Variants in DNAJC6 observed in about 807,000 individuals in gnomAD.
DNAJC6 encodes auxilin.
DNAJC6 carries 34 observed loss-of-function variants against 110.0 expected under a neutral mutation model. The ratio of observed to expected loss-of-function variants is 0.31; its 90% CI spans 0.24 to 0.41. The LOEUF (loss-of-function observed/expected upper bound fraction) is 0.41, where lower values mean the gene tolerates loss of function less well. Ranked by LOEUF, DNAJC6 falls within the 10% of genes least tolerant of loss-of-function variation. The pLI is 1.00. For synonymous variants in DNAJC6, 406 were observed against 437.2 expected (o/e 0.93, Z 0.89); for missense variants, 1,031 against 1,207.8 (o/e 0.85, Z 2.17).
At chr1:65,290,643 T>C (rs1299623490) in intron 1 of DNAJC6, among the ~76,000 whole-genome samples, 1 of 152,228 alleles carries the variant, frequency 6.6e-6, no homozygotes, top group African/African-American at 2.4e-5. Context: ...GTTGTTTATT[T>C]TTAAATTATT....
chr1:65,414,368 G>A lies in DNAJC6; in HGVS notation c.*1343G>A, dbSNP rs1450038029. On this transcript the variant is annotated 3_prime_UTR_variant, in exon 19 of 19. Coordinates refer to ENST00000371069, the MANE Select transcript of DNAJC6 (RefSeq NM_001256864.2). ...TCTCTTTTGTGTGCACATATACAAT[G>A]TGCATTATACATATATATTAAATAT... 1 of 152,606 alleles carries A rather than the reference G, an allele frequency of 6.6e-6. No individual in the cohort carries two copies. The highest frequency in any genetic ancestry group is 1.9e-4 in the East Asian group (1 of 5,202). The allele number at this position is 152,606 out of a possible 1,614,324, so 9.5% of individuals were successfully genotyped here. A position where few individuals can be genotyped will look rare whatever the true frequency, so the allele number is the denominator to read the frequency against.
At chr1:65,402,880 A>T (rs1253871250) in intron 15 of DNAJC6, among the ~76,000 whole-genome samples, 2 of 152,208 alleles carry the variant, frequency 1.3e-5, no homozygotes, top group Non-Finnish European at 2.9e-5. Flanking sequence ...TGAAAATTTC[A>T]AATTTTAAAG....
chr1:65,310,294 A>G (rs1346482820), intron 1 of DNAJC6, among the ~76,000 whole-genome samples: 3 of 152,026 alleles, frequency 2.0e-5, no homozygotes. Flanking sequence ...GGGCTGGGAG[A>G]GGCAGCTGCT....
At chr1:65,372,507 G>T (rs1222520517) in intron 4 of DNAJC6, among the ~76,000 whole-genome samples, 1 of 152,078 alleles carries the variant, frequency 6.6e-6, no homozygotes, top group African/African-American at 2.4e-5. Context: ...GTCTACAAGG[G>T]GAGACAGGTA....
chr1:65,383,440 G>A (rs1451727577), intron 5 of DNAJC6, among the ~76,000 whole-genome samples: 5 of 152,298 alleles, frequency 3.3e-5, no homozygotes, highest in Admixed American at 2.6e-4. Context: ...TTACAGACAT[G>A]AGCCACTGTG....
intron 1 of DNAJC6, chr1:65,345,613 G>A (rs1164385853): frequency 1.0e-6 from 1 of 977,890 alleles, no homozygotes; most frequent in Non-Finnish European, 1.2e-6. Flanking sequence ...TTCTCCAGGA[G>A]TGGTTATTAT....
intron 11 of DNAJC6, 53 bp downstream of exon 11, chr1:65,389,680 C>T (rs956148381): frequency 6.3e-7 from 1 of 1,588,764 alleles, no homozygotes; most frequent in Non-Finnish European, 8.6e-7. Context: ...TGTATTTCTT[C>T]TGTAAAGATG....
chr1:65,335,668 A>G (rs531596951), intron 1 of DNAJC6, among the ~76,000 whole-genome samples: 1 of 152,262 alleles, frequency 6.6e-6, no homozygotes, highest in Admixed American at 6.5e-5. Context: ...TGTTGAATAG[A>G]CGAGTAGTGT....
intron 2 of DNAJC6, 96 bp from the exon 3 acceptor site, chr1:65,365,789 G>T: frequency 7.4e-7 from 1 of 1,342,494 alleles, no homozygotes; most frequent in Non-Finnish European, 1.0e-6. Flanking sequence ...CCCCTGGACA[G>T]CGGTGTCCCA....
rs796797174 is a variant in DNAJC6, at chr1:65,380,916, G to GTTTTTTTTTTTTTTTTTT, written c.666+1396_666+1397insTTTTTTTTTTTTTTTTTT. Among the ~76,000 whole-genome samples, 110 of 93,520 alleles carry GTTTTTTTTTTTTTTTTTT rather than the reference G, an allele frequency of 1.2e-3. 16 individuals are homozygous for GTTTTTTTTTTTTTTTTTT. The highest frequency in any genetic ancestry group is 5.8e-3 in the African/African-American group (87 of 15,046). The allele number at this position is 93,520 out of a possible 152,430, so 61.4% of individuals were successfully genotyped here. ...TTTTTTTTTTTTTGTTTTTTGTTTT[G>GTTTTTTTTTTTTTTTTTT]TTTTGTTTTTTTTTTTTTTTTGGGA... On this transcript the variant is annotated intron_variant, in intron 5 of 18. Coordinates refer to ENST00000371069, the MANE Select transcript of DNAJC6 (RefSeq NM_001256864.2).
At chr1:65,407,727 G>A (rs542698276) in intron 16 of DNAJC6, among the ~76,000 whole-genome samples, 21 of 152,326 alleles carry the variant, frequency 1.4e-4, no homozygotes, top group African/African-American at 5.1e-4. Flanking sequence ...CTTCAGTGTA[G>A]AAAACATTGA....
intron 1 of DNAJC6, among the ~76,000 whole-genome samples, chr1:65,334,137 T>C (rs1336013996): frequency 1.3e-5 from 2 of 152,172 alleles, no homozygotes; most frequent in East Asian, 3.9e-4. Context: ...CCAGATGAGA[T>C]TATACTTGCA....
At chr1:65,290,316 C>T (rs1400985589) in intron 1 of DNAJC6, among the ~76,000 whole-genome samples, 3 of 152,128 alleles carry the variant, frequency 2.0e-5, no homozygotes, top group African/African-American at 7.2e-5. Flanking sequence ...TTTATATTTT[C>T]ACTTTCTTAA....
chr1:65,285,079 G>T (rs1653972429), intron 1 of DNAJC6, among the ~76,000 whole-genome samples: 1 of 152,130 alleles, frequency 6.6e-6, no homozygotes, highest in East Asian at 1.9e-4. Flanking sequence ...TAATTATCAG[G>T]TTGCTTTGGT....
At chr1:65,383,356 C>T (rs1645840977) in intron 5 of DNAJC6, among the ~76,000 whole-genome samples, 1 of 152,104 alleles carries the variant, frequency 6.6e-6, no homozygotes, top group African/African-American at 2.4e-5. Flanking sequence ...TGGGGTTTCA[C>T]CATGTTGCCC....
chr1:65,292,913 A>G (rs1644893546), intron 1 of DNAJC6, among the ~76,000 whole-genome samples: 1 of 152,140 alleles, frequency 6.6e-6, no homozygotes, highest in Non-Finnish European at 1.5e-5. Context: ...GGGCTCACTC[A>G]AACGTATGAG....
chr1:65,379,589 C>A (rs1160439699), intron 5 of DNAJC6, 65 bp downstream of exon 5: 1 of 1,560,084 alleles, frequency 6.4e-7, no homozygotes, highest in East Asian at 2.3e-5. Context: ...AGCCTGTACA[C>A]AATGGTAGAC....
chr1:65,399,435 T>A (rs963739462), intron 14 of DNAJC6, among the ~76,000 whole-genome samples: 5 of 152,182 alleles, frequency 3.3e-5, no homozygotes, highest in African/African-American at 9.7e-5. Flanking sequence ...CTCCTGACAT[T>A]GAGCAAGTTA....
intron 1 of DNAJC6, among the ~76,000 whole-genome samples, chr1:65,349,896 T>C (rs1411218708): frequency 1.3e-5 from 2 of 152,022 alleles, no homozygotes; most frequent in African/African-American, 2.4e-5. Context: ...TGTTTGGAGG[T>C]ATTTTTGGTT....
Sources: allele counts gnomAD v4.1 joint callset (sites outside exome capture counted in the v4.1 genomes callset), GRCh38; gene constraint gnomAD v4.1.1; transcripts MANE v1.5; gene names NCBI Gene and HGNC (gene_info 2026-07-23, HGNC 2026-07-21).